NCAPH: variants seen among roughly 807,000 people sequenced by gnomAD.
NCAPH encodes the protein condensin complex subunit 2.
Under a neutral mutation model 85.5 loss-of-function variants are expected in NCAPH, and 38 were observed. The ratio of observed to expected loss-of-function variants is 0.44; its 90% CI spans 0.34 to 0.58. The LOEUF (loss-of-function observed/expected upper bound fraction) is 0.58. Among genes scored for constraint, NCAPH ranks in the 20% least tolerant of loss-of-function variants. The pLI is 0.01. For synonymous variants in NCAPH, 301 were observed against 335.1 expected, an observed-to-expected ratio of 0.90 and a Z score of 1.11; for missense variants, 789 against 916.6, an observed-to-expected ratio of 0.86 and a Z score of 1.80.
intron 1 of NCAPH, among the ~76,000 whole-genome samples, chr2:96,336,711 T>C (rs2064219423): frequency 6.6e-6 from 1 of 152,214 alleles, no homozygotes; most frequent in South Asian, 2.1e-4. Context: ...GGGAGTTATA[T>C]GGACCACTCA....
At chr2:96,362,972 C>A (rs1468732634) in intron 12 of NCAPH, among the ~76,000 whole-genome samples, 1 of 152,202 alleles carries the variant, frequency 6.6e-6, no homozygotes, top group Non-Finnish European at 1.5e-5. Flanking sequence ...TGCTATCAAA[C>A]AGCATTGTAT....
intron 6 of NCAPH, 140 bp from the exon 7 acceptor site, chr2:96,351,691 A>C: frequency 1.4e-6 from 1 of 690,166 alleles, no homozygotes; most frequent in Non-Finnish European, 2.2e-6. Context: ...AAAAACAAAA[A>C]CAAACCACTT....
chr2:96,355,925 C>T lies in NCAPH; in HGVS notation c.1208+1537C>T, dbSNP rs57248244. 1.4e-3 allele frequency among the ~76,000 whole-genome samples: 206 copies of T among 152,194 alleles called. 5 individuals are homozygous for T. In the East Asian group the frequency reaches 0.035, roughly 26 times the overall value. On this transcript the variant is annotated intron_variant, in intron 9 of 17. Coordinates refer to ENST00000240423, the MANE Select transcript of NCAPH (RefSeq NM_015341.5). The stretch of plus-strand genomic sequence containing the variant: ...CTGGGATTACAGGCGTGAGCCACTG[C>T]GCCTGGCCATCCTGTCTTCTAAGAA...
chr2:96,341,510 T>G, intron 1 of NCAPH, 132 bp from the exon 2 acceptor site: 1 of 1,211,022 alleles, frequency 8.3e-7, no homozygotes, highest in Non-Finnish European at 1.2e-6. Flanking sequence ...GTTCTAGCCA[T>G]TAAGTATTAG....
chr2:96,357,210 T>G (rs780348795), intron 9 of NCAPH, among the ~76,000 whole-genome samples: 11 of 152,138 alleles, frequency 7.2e-5, no homozygotes, highest in Admixed American at 2.6e-4. Flanking sequence ...CTTGCCAGTG[T>G]TAGGACAGTG....
At chr2:96,361,769 C>CATATAT (rs1215314705) in intron 12 of NCAPH, among the ~76,000 whole-genome samples, 13 of 114,976 alleles carry the variant, frequency 1.1e-4, no homozygotes, top group Non-Finnish European at 2.1e-4. Context: ...TATATATATA[C>CATATAT]ATATATATAT....
chr2:96,366,223 G>C (rs1392259429), intron 14 of NCAPH, among the ~76,000 whole-genome samples, 165 bp downstream of exon 14: 1 of 152,170 alleles, frequency 6.6e-6, no homozygotes, highest in Admixed American at 6.5e-5. Context: ...TGCTAATTAG[G>C]TTTGTGTGGA....
intron 9 of NCAPH, among the ~76,000 whole-genome samples, chr2:96,354,691 G>A (rs530476671): frequency 8.9e-4 from 136 of 152,270 alleles, no homozygotes; most frequent in African/African-American, 3.0e-3. Context: ...CTGGGCTGGT[G>A]TGCTGTGTCA....
chr2:96,360,495 C>A, intron 11 of NCAPH, 93 bp from the exon 12 acceptor site: 2 of 1,428,120 alleles, frequency 1.4e-6, no homozygotes, highest in Non-Finnish European at 1.9e-6. Context: ...TAGACTCATG[C>A]TGCCCAAACC....
Position 96,374,703 on chromosome 2 carries a change from T to G in NCAPH, c.*1352T>G, listed in dbSNP as rs926412385. ...GAAGGTTAGAGACTTCAGAGCATGCTTAGAAAAAGCAGTGGTGCCACAGGT... is the reference window on the plus strand; with the variant it reads ...GAAGGTTAGAGACTTCAGAGCATGCGTAGAAAAAGCAGTGGTGCCACAGGT... On this transcript the variant is annotated 3_prime_UTR_variant, in exon 18 of 18. Transcript: ENST00000240423. Among the ~76,000 whole-genome samples, 13 of 152,204 alleles carry G rather than the reference T, an allele frequency of 8.5e-5. No homozygotes were observed. Among genetic ancestry groups the G allele is most frequent in the African/African-American group, 2.9e-4 (12 of 41,462 alleles).
In NCAPH at chr2:96,376,409, G is replaced by C. The variant is rs1475094065; in HGVS notation, c.*3058G>C. On this transcript the variant is annotated 3_prime_UTR_variant, in exon 18 of 18. Coordinates refer to ENST00000240423, the MANE Select transcript of NCAPH (RefSeq NM_015341.5). ...GGAACCAGGCATTACAAATTGAATT[G>C]AACAAGGACAGATATCTGAAGGGGG... Among the ~76,000 whole-genome samples the C allele has an allele frequency of 6.6e-6, 1 of 152,182 alleles. No homozygotes were observed. The highest frequency in any genetic ancestry group is 1.5e-5 in the Non-Finnish European group (1 of 68,038).
intron 8 of NCAPH, among the ~76,000 whole-genome samples, chr2:96,353,966 T>A (rs551918106): frequency 4.9e-4 from 75 of 152,270 alleles, no homozygotes; most frequent in Non-Finnish European, 9.6e-4. Context: ...CTGACAACAA[T>A]GCAGCTTCCT....
At chr2:96,350,380 G>T (rs182507719) in intron 6 of NCAPH, among the ~76,000 whole-genome samples, 7 of 152,180 alleles carry the variant, frequency 4.6e-5, no homozygotes, top group Admixed American at 4.6e-4. Flanking sequence ...GTATAGTTCC[G>T]TTAACTACCT....
Position 96,354,341 on chromosome 2 carries a change from T to C in NCAPH, c.1161T>C (p.His387=). The C allele has an allele frequency of 1.2e-6, 2 of 1,613,296 alleles. No individual in the cohort carries two copies. Among genetic ancestry groups the C allele is most frequent in the Non-Finnish European group, 1.7e-6 (2 of 1,179,584 alleles). ...DEPDHTAVGD[H]EEFRSWKEPC... ...CTGACCACACCGCAGTTGGGGATCA[T>C]GAAGAGTTCAGGAGCTGGAAGGAGC... The change falls in exon 9 of 18, where the codon CAT becomes CAC. Residue 387 remains histidine (H), a synonymous_variant. Transcript: ENST00000240423.
rs1359635913 is a variant in NCAPH, at chr2:96,368,961, G to A, written c.1999-11G>A. On this transcript the variant is annotated splice_polypyrimidine_tract_variant and intron_variant, in intron 15 of 17. Coordinates refer to ENST00000240423, the MANE Select transcript of NCAPH (RefSeq NM_015341.5). ...CCCTAACTGTCCGATGTATAAATGTGCTTCTGTTAGGCAAACCACAGGGAA... is the reference window on the plus strand; with the variant it reads ...CCCTAACTGTCCGATGTATAAATGTACTTCTGTTAGGCAAACCACAGGGAA... 1 of 1,552,090 alleles carries A rather than the reference G, an allele frequency of 6.4e-7. No homozygotes were observed. The highest frequency in any genetic ancestry group is 1.2e-5 in the South Asian group (1 of 84,056).
In NCAPH at chr2:96,351,966, G is replaced by C; in HGVS notation, c.856G>C (p.Gly286Arg). The C allele has an allele frequency of 6.2e-7, 1 of 1,614,088 alleles. No individual in the cohort carries two copies. Among genetic ancestry groups the C allele is most frequent in the Non-Finnish European group, 8.5e-7 (1 of 1,180,024 alleles). ...FPSDVQTLST[G>R]EPLELPELGC... is the part of the protein sequence containing the mutation. ...CTCTGATGTCCAGACTCTCTCCACG[G>C]GAGAACCTCTCGAGTTGCCAGAGTT... is the stretch of plus-strand genomic sequence containing the variant. The change falls in exon 7 of 18, where the codon GGA becomes CGA. Residue 286 changes from glycine to arginine, a missense_variant. Physicochemically the swap from Gly to Arg is moderately radical, Grantham distance 125. Coordinates refer to ENST00000240423, the MANE Select transcript of NCAPH (RefSeq NM_015341.5).
In NCAPH at chr2:96,353,382, T is replaced by C. The variant is rs368664843; in HGVS notation, c.987T>C (p.Ser329=). The C allele has an allele frequency of 8.9e-5, 143 of 1,613,942 alleles. No homozygotes were observed. Among genetic ancestry groups the C allele is most frequent in the Non-Finnish European group, 1.2e-4 (138 of 1,179,916 alleles). ...GGTTCCAGTTTACACAGTGGGACAG[T>C]GAAACACATAATGAGGTGTGGTCAA... ...LAGFQFTQWD[S]ETHNESVSAL... Residue 329 remains serine, a synonymous_variant, in exon 8 of 18, where the codon AGT becomes AGC. Coordinates refer to ENST00000240423, the MANE Select transcript of NCAPH (RefSeq NM_015341.5).
chr2:96,348,793 C>T (rs571274774), intron 6 of NCAPH, among the ~76,000 whole-genome samples: 11 of 152,102 alleles, frequency 7.2e-5, no homozygotes, highest in African/African-American at 1.4e-4. Context: ...GTAGCTGGGA[C>T]GCACCACCAC....
intron 10 of NCAPH, 23 bp from the exon 11 acceptor site, chr2:96,360,120 T>C (rs1356806389): frequency 3.8e-6 from 5 of 1,319,248 alleles, no homozygotes; most frequent in Non-Finnish European, 5.4e-6. Flanking sequence ...AGTGAAGTGC[T>C]GACGTCTGTG....
Sources: allele counts gnomAD v4.1 joint callset (sites outside exome capture counted in the v4.1 genomes callset), GRCh38; gene constraint gnomAD v4.1.1; transcripts MANE v1.5; gene names NCBI Gene and HGNC (gene_info 2026-07-23, HGNC 2026-07-21).